The following CAPRIN1 variants were observed in gnomAD, a reference collection of about 807,000 sequenced individuals.
The protein encoded by CAPRIN1 is caprin-1.
In CAPRIN1, 29 loss-of-function variants were observed where a neutral mutation model predicts 100.9. The observed-to-expected ratio is 0.29, with a 90% confidence interval of 0.21 to 0.39. The LOEUF is 0.39. Ranked by LOEUF, CAPRIN1 falls within the 10% of genes least tolerant of loss-of-function variation. The pLI is 1.00. For missense variants in CAPRIN1, 795 were observed against 876.7 expected (o/e 0.91, Z 1.18); for synonymous variants, 338 against 307.5 (o/e 1.10, Z -1.04).
intron 4 of CAPRIN1, among the ~76,000 whole-genome samples, chr11:34,073,622 C>G (rs1261505243): frequency 1.3e-5 from 2 of 152,052 alleles, no homozygotes; most frequent in Non-Finnish European, 2.9e-5. Context: ...TGGGGTTTCA[C>G]CATGTCAGCC....
rs551070594 is a variant in CAPRIN1 at position 34,093,789 on chromosome 11, A to G, written c.1705+1733A>G. ...GTAGCACAGGCCACCATGCCTGGCT[A>G]ATTTTTTTTTTTTTTGTATTTTTAG... is the stretch of plus-strand genomic sequence containing the variant. On this transcript the variant is annotated intron_variant, in intron 15 of 18. Coordinates refer to ENST00000341394, the MANE Select transcript of CAPRIN1 (RefSeq NM_005898.5). Among the ~76,000 whole-genome samples, 165 of 26,408 alleles carry G rather than the reference A, an allele frequency of 6.2e-3. 1 individual carries two copies. The highest frequency in any genetic ancestry group is 0.026 in the Middle Eastern group (1 of 38). The allele number at this position is 26,408 out of a possible 152,430, so 17.3% of individuals were successfully genotyped here. A position where few individuals can be genotyped will look rare whatever the true frequency, so the allele number is the denominator to read the frequency against.
At chr11:34,059,667 C>G (rs759322903) in intron 2 of CAPRIN1, among the ~76,000 whole-genome samples, 1 of 152,124 alleles carries the variant, frequency 6.6e-6, no homozygotes, top group Non-Finnish European at 1.5e-5. Flanking sequence ...TGAATAAGTA[C>G]TTGGTAGTTT....
At chr11:34,071,094 G>A (rs1313226884) in intron 2 of CAPRIN1, among the ~76,000 whole-genome samples, 2 of 152,194 alleles carry the variant, frequency 1.3e-5, no homozygotes, top group African/African-American at 4.8e-5. Context: ...ATGCTCACTT[G>A]GGTATAAGCA....
intron 2 of CAPRIN1, chr11:34,053,028 C>T (rs1433521007): frequency 1.7e-5 from 18 of 1,039,404 alleles, no homozygotes; most frequent in East Asian, 1.1e-4. Flanking sequence ...TGAAGAGGTC[C>T]CTGCGCGGGG....
chr11:34,072,849 T>C (rs1357088857), intron 4 of CAPRIN1, among the ~76,000 whole-genome samples: 1 of 152,246 alleles, frequency 6.6e-6, no homozygotes, highest in Admixed American at 6.5e-5. Context: ...CCCATAACAT[T>C]GTAATACTGT....
chr11:34,093,931 C>T (rs1477631307), intron 15 of CAPRIN1, among the ~76,000 whole-genome samples: 1 of 148,184 alleles, frequency 6.7e-6, no homozygotes, highest in Non-Finnish European at 1.5e-5. Context: ...CGAAAACTTT[C>T]TCCCACTGAT....
intron 1 of CAPRIN1, 153 bp from the exon 2 acceptor site, chr11:34,052,259 GCACTCTTCC>G: frequency 1.9e-6 from 1 of 516,272 alleles, no homozygotes; most frequent in Non-Finnish European, 3.3e-6. Flanking sequence ...GCGCGCCCGC[GCACTCTTCC>G]TGCCCTCGAG....
At position 34,102,155 on chromosome 11, in the gene CAPRIN1, A is replaced by G. The variant is rs985078268; in HGVS notation, c.*2788A>G. 6.6e-6 allele frequency among the ~76,000 whole-genome samples: 1 copy of G among 151,986 alleles called. No homozygotes were observed. Among genetic ancestry groups the G allele is most frequent in the African/African-American group, 2.4e-5 (1 of 41,378 alleles). ...TTTATATGCAGCTCTTACGTGGGAG[A>G]CTTTTCCACTTAAAGGAGACATAGA... On this transcript the variant is annotated 3_prime_UTR_variant, in exon 19 of 19. Transcript: ENST00000341394.
intron 1 of CAPRIN1, 46 bp from the exon 2 acceptor site, chr11:34,052,375 C>G (rs775904765): frequency 2.0e-6 from 3 of 1,513,674 alleles, no homozygotes; most frequent in Non-Finnish European, 2.7e-6. Context: ...ACTGGCCGCT[C>G]TTGTCCTTCC....
chr11:34,096,167 C>G (rs1851363709), intron 15 of CAPRIN1: 1 of 192,428 alleles, frequency 5.2e-6, no homozygotes, highest in Non-Finnish European at 1.1e-5. Flanking sequence ...GTCTCTTGTG[C>G]TAAAAAGTAG....
intron 14 of CAPRIN1, chr11:34,091,611 C>T (rs1851266602): frequency 5.1e-6 from 1 of 196,550 alleles, no homozygotes; most frequent in Non-Finnish European, 1.0e-5. Context: ...AAAAAGATTT[C>T]TCATATATGT....
intron 6 of CAPRIN1, among the ~76,000 whole-genome samples, chr11:34,077,199 A>T (rs1340886257): frequency 6.6e-6 from 1 of 152,248 alleles, no homozygotes; most frequent in Non-Finnish European, 1.5e-5. Context: ...AACTGGGAAT[A>T]TGATAGTCCT....
At chr11:34,092,136 G>C in intron 15 of CAPRIN1, 80 bp downstream of exon 15, 1 of 1,378,386 alleles carries the variant, frequency 7.3e-7, no homozygotes, top group Non-Finnish European at 9.8e-7. Flanking sequence ...TTAGACTTCA[G>C]AGTGGTGGTG....
At chr11:34,081,749 T>C (rs566997327) in intron 7 of CAPRIN1, among the ~76,000 whole-genome samples, 1 of 151,556 alleles carries the variant, frequency 6.6e-6, no homozygotes, top group South Asian at 2.1e-4. Context: ...CTGCCCACAT[T>C]GGCCTCCCAA....
chr11:34,079,994 G>C (rs1850991005), intron 7 of CAPRIN1, among the ~76,000 whole-genome samples: 1 of 146,586 alleles, frequency 6.8e-6, no homozygotes, highest in Non-Finnish European at 1.5e-5. Flanking sequence ...CGTGATCTCG[G>C]CTCACTGCAA....
Position 34,076,155 on chromosome 11 carries a change from T to C in CAPRIN1, c.367-81T>C, listed in dbSNP as rs898619029. 1.8e-4 allele frequency: 173 copies of C among 949,606 alleles called. No individual in the cohort carries two copies. In the African/African-American group the frequency reaches 2.5e-3, roughly 14 times the overall value. 58.8% of individuals were successfully genotyped at this position (949,606 alleles called of 1,614,324 possible). A position where few individuals can be genotyped will look rare whatever the true frequency, so the allele number is the denominator to read the frequency against. The stretch of plus-strand genomic sequence containing the variant: ...TCTCACTCATTGAGTAAAACATGTT[T>C]TATTTAAGCTGGACCTGAAATGGAT... On this transcript the variant is annotated intron_variant, in intron 4 of 18. Transcript: ENST00000341394.
At position 34,090,162 on chromosome 11, in the gene CAPRIN1, TCTTTA is replaced by T. The variant is rs1851234720; in HGVS notation, c.1294-13_1294-9del. 8 of 1,530,204 alleles carry T rather than the reference TCTTTA, an allele frequency of 5.2e-6. No homozygotes were observed. The highest frequency in any genetic ancestry group is 7.2e-6 in the Non-Finnish European group (8 of 1,108,542). The allele number at this position is 1,530,204 out of a possible 1,614,324, so 94.8% of individuals were successfully genotyped here. A position where few individuals can be genotyped will look rare whatever the true frequency, so the allele number is the denominator to read the frequency against. ...TTGTAAGCAGGAAGAAGCTTTTATT[TCTTTA>T]CTTATGTCTAGGTTCCTTTGGTATC... On this transcript the variant is annotated splice_polypyrimidine_tract_variant and intron_variant, in intron 12 of 18. Coordinates refer to ENST00000341394, the MANE Select transcript of CAPRIN1 (RefSeq NM_005898.5).
chr11:34,078,451 C>T (rs1850947491), intron 6 of CAPRIN1, among the ~76,000 whole-genome samples: 1 of 152,166 alleles, frequency 6.6e-6, no homozygotes, highest in Admixed American at 6.6e-5. Context: ...CCTGGTACAC[C>T]AAATTCTGAT....
At position 34,052,892 on chromosome 11, in the gene CAPRIN1, T is replaced by C. The variant is rs563893450; in HGVS notation, c.216+256T>C. 192 of 1,349,782 alleles carry C rather than the reference T, an allele frequency of 1.4e-4. No individual in the cohort carries two copies. The African/African-American group carries it at 2.6e-3, about 18-fold the overall frequency. 83.6% of individuals were successfully genotyped at this position (1,349,782 alleles called of 1,614,324 possible). A position where few individuals can be genotyped will look rare whatever the true frequency, so the allele number is the denominator to read the frequency against. ...CCAGGCCTCTTTATTACTCTTCCGC[T>C]GTGGGTCCGGCTTTTTGGCCTTTAG... On this transcript the variant is annotated intron_variant, in intron 2 of 18. Transcript: ENST00000341394.
Sources: gnomAD v4.1 joint callset for allele counts (sites outside exome capture counted in the v4.1 genomes callset) on GRCh38, gnomAD v4.1.1 for gene constraint, MANE v1.5 for transcripts, NCBI Gene and HGNC (gene_info 2026-07-23, HGNC 2026-07-21) for gene names.